Variants in MYO1F observed in about 807,000 individuals in gnomAD.
MYO1F encodes unconventional myosin-If.
A neutral mutation model predicts 146.6 loss-of-function variants in MYO1F; 60 were observed. The ratio of observed to expected loss-of-function variants is 0.41; its 90% CI spans 0.33 to 0.51. MYO1F has a LOEUF of 0.51. MYO1F is among the 20% of genes least tolerant of loss of function. The pLI is 0.25. For missense variants in MYO1F, 1,274 were observed against 1,534.3 expected, an observed-to-expected ratio of 0.83 and a Z score of 2.83; for synonymous variants, 602 against 602.1, an observed-to-expected ratio of 1.00 and a Z score of 0.00.
intron 1 of MYO1F, among the ~76,000 whole-genome samples, chr19:8,569,097 GT>G (rs999798237): frequency 2.6e-5 from 4 of 152,090 alleles, no homozygotes; most frequent in African/African-American, 9.7e-5. Context: ...ATACATACTT[GT>G]TGAATGAATG....
chr19:8,522,784 A>G lies in MYO1F; in HGVS notation c.2900T>C (p.Leu967Pro). The G allele has an allele frequency of 6.2e-7, 1 of 1,602,706 alleles. No individual in the cohort carries two copies. Among genetic ancestry groups the G allele is most frequent in the Non-Finnish European group, 8.5e-7 (1 of 1,176,312 alleles). ...GVPPSARGGP[L>P]PLEIMSGGGT... Reference sequence around the variant, plus strand: ...CCCTCCAGACATGATCTCCAGGGGCAGGGGGCCCCCTCTGGCAGAGGGGGG... The same window carrying G: ...CCCTCCAGACATGATCTCCAGGGGCGGGGGGCCCCCTCTGGCAGAGGGGGG... Residue 967 changes from leucine (L) to proline (P), a missense_variant, in exon 26 of 28, where the codon CTG (leucine) becomes CCG (proline). Physicochemically the swap from Leu to Pro is moderately conservative, Grantham distance 98. Around this residue, in one of 2 missense-constraint regions of MYO1F, gnomAD observed 374 missense variants for 379.2 expected, o/e 0.99. Coordinates refer to ENST00000644032, the MANE Select transcript of MYO1F (RefSeq NM_012335.4).
chr19:8,522,875 G>T, intron 25 of MYO1F, 46 bp from the exon 26 acceptor site: 1 of 1,496,636 alleles, frequency 6.7e-7, no homozygotes. Flanking sequence ...GTGATGCTAG[G>T]AGGATTTGAG....
chr19:8,528,104 C>T (rs543467942), intron 21 of MYO1F, among the ~76,000 whole-genome samples: 64 of 152,234 alleles, frequency 4.2e-4, no homozygotes, highest in African/African-American at 1.5e-3. Flanking sequence ...CACCTGTAGT[C>T]CCAGCTACTC....
chr19:8,541,768 C>T, intron 15 of MYO1F, 138 bp downstream of exon 15: 2 of 818,590 alleles, frequency 2.4e-6, no homozygotes, highest in Non-Finnish European at 4.1e-6. Context: ...TCCATAGAAA[C>T]ACCATCCTGG....
intron 12 of MYO1F, among the ~76,000 whole-genome samples, chr19:8,546,588 A>C (rs904138861): frequency 6.6e-6 from 1 of 151,912 alleles, no homozygotes; most frequent in Non-Finnish European, 1.5e-5. Context: ...TTGAACCCCC[A>C]GGCTCAAGCG....
At chr19:8,542,774 T>A (rs2145876895) in intron 14 of MYO1F, among the ~76,000 whole-genome samples, 1 of 151,448 alleles carries the variant, frequency 6.6e-6, no homozygotes, top group South Asian at 2.1e-4. Flanking sequence ...CTGATTTTTT[T>A]TTTTATTTTT....
chr19:8,529,508 G>A (rs1484269540), intron 21 of MYO1F, among the ~76,000 whole-genome samples: 2 of 152,116 alleles, frequency 1.3e-5, no homozygotes, highest in African/African-American at 4.8e-5. Flanking sequence ...TATCCCTGTA[G>A]AGAGCATGTA....
chr19:8,575,055 C>T (rs2042212895), intron 1 of MYO1F, among the ~76,000 whole-genome samples: 1 of 151,360 alleles, frequency 6.6e-6, no homozygotes, highest in East Asian at 1.9e-4. Context: ...TGCACCCTGC[C>T]AACGGCATTA....
In MYO1F at chr19:8,550,302, T is replaced by C; in HGVS notation, c.959A>G (p.Lys320Arg). The C allele has an allele frequency of 6.2e-7, 1 of 1,614,014 alleles. No homozygotes were observed. Among genetic ancestry groups the C allele is most frequent in the Non-Finnish European group, 8.5e-7 (1 of 1,179,982 alleles). ...GCTGTCCATCTTGCGGCTGGTCAGC[T>C]TCTCCTGCAGTCGCCCGCTGTCAAT... ...LGIDSGRLQEKLTSRKMDSRW... is the reference protein window; with the variant it reads ...LGIDSGRLQERLTSRKMDSRW... Residue 320 changes from lysine to arginine, a missense_variant, in exon 10 of 28, where the codon AAG becomes AGG. Physicochemically the swap from Lys to Arg is conservative, Grantham distance 26. Around this residue, in one of 2 missense-constraint regions of MYO1F, gnomAD observed 900 missense variants for 1,155.1 expected, o/e 0.78. Transcript: ENST00000644032.
At chr19:8,522,955 T>C (rs554053404) in intron 25 of MYO1F, 126 bp from the exon 26 acceptor site, 242 of 818,524 alleles carry the variant, frequency 3.0e-4, no homozygotes, top group Non-Finnish European at 4.5e-4. Context: ...GTGGTAAGGA[T>C]TGGGCCAGAC....
Position 8,553,437 on chromosome 19 carries a change from A to G in MYO1F, c.327T>C (p.Ser109=). The change falls in exon 5 of 28, where the codon AGT becomes AGC. Residue 109 remains serine (S), a splice_region_variant and synonymous_variant. Coordinates refer to ENST00000644032, the MANE Select transcript of MYO1F (RefSeq NM_012335.4). ...IDCENQCVII[S]GESGAGKTVA... ...CTGTCTTCCCAGCTCCACTCTCTCC[A>G]CTGGGGATGAATGGAGGAATAAATG... The G allele has an allele frequency of 6.2e-7, 1 of 1,613,052 alleles. No homozygotes were observed. Among genetic ancestry groups the G allele is most frequent in the Non-Finnish European group, 8.5e-7 (1 of 1,179,054 alleles).
chr19:8,558,471 G>A (rs1195644769), intron 1 of MYO1F, among the ~76,000 whole-genome samples: 1 of 152,026 alleles, frequency 6.6e-6, no homozygotes, highest in Non-Finnish European at 1.5e-5. Context: ...TGACCCAGAC[G>A]ACACTTTCTT....
At chr19:8,526,738 G>A (rs1300210709) in intron 23 of MYO1F, 51 bp downstream of exon 23, 1 of 1,551,578 alleles carries the variant, frequency 6.4e-7, no homozygotes, top group Non-Finnish European at 8.7e-7. Flanking sequence ...GGGAGAGGGT[G>A]CGCCGCGCCG....
chr19:8,524,968 C>A (rs1441511403), intron 25 of MYO1F, among the ~76,000 whole-genome samples: 1 of 152,022 alleles, frequency 6.6e-6, no homozygotes, highest in African/African-American at 2.4e-5. Flanking sequence ...GAGGCCGAGA[C>A]GGGCGGGTCA....
intron 2 of MYO1F, 144 bp downstream of exon 2, chr19:8,555,515 G>A: frequency 2.6e-6 from 3 of 1,132,134 alleles, no homozygotes; most frequent in Non-Finnish European, 3.9e-6. Context: ...CCAGAGCCCT[G>A]CTGTCACTCT....
chr19:8,556,898 A>AT (rs1294431933), intron 1 of MYO1F, among the ~76,000 whole-genome samples: 3 of 124,256 alleles, frequency 2.4e-5, no homozygotes, highest in African/African-American at 5.9e-5. Context: ...AAAAAAAAAA[A>AT]AAAAAAAAAA....
chr19:8,563,016 G>GAGTC lies in MYO1F; in HGVS notation c.4-7224_4-7221dup, dbSNP rs201259088. Among the ~76,000 whole-genome samples, 1,145 of 151,824 alleles carry GAGTC rather than the reference G, an allele frequency of 7.5e-3. 20 individuals carry two copies. The highest frequency in any genetic ancestry group is 0.026 in the African/African-American group (1,080 of 41,384). On this transcript the variant is annotated intron_variant, in intron 1 of 27. Coordinates refer to ENST00000644032, the MANE Select transcript of MYO1F (RefSeq NM_012335.4). The stretch of plus-strand genomic sequence containing the variant: ...TCTTTCCTTTTTTTGTTTTGATACC[G>GAGTC]AGTCTCACTCTGTCGCCCAGGCTGG...
intron 1 of MYO1F, among the ~76,000 whole-genome samples, chr19:8,575,938 C>T (rs1555733721): frequency 2.6e-5 from 4 of 152,188 alleles, no homozygotes. Context: ...AATTCCCACC[C>T]CAACAGTCTC....
At position 8,530,418 on chromosome 19, in the gene MYO1F, CT is replaced by C; in HGVS notation, c.2158+40del. The C allele has an allele frequency of 6.2e-7, 1 of 1,613,804 alleles. No homozygotes were observed. Among genetic ancestry groups the C allele is most frequent in the Non-Finnish European group, 8.5e-7 (1 of 1,179,990 alleles). ...GCTCCTGATACAGCTCCTCCAGGTCCTTGTGCCCCCACCCCGCGCCGTTTAC... is the reference window on the plus strand; with the variant it reads ...GCTCCTGATACAGCTCCTCCAGGTCCTGTGCCCCCACCCCGCGCCGTTTAC... On this transcript the variant is annotated intron_variant, in intron 20 of 27. Coordinates refer to ENST00000644032, the MANE Select transcript of MYO1F (RefSeq NM_012335.4). The surrounding 1 kb of genome is among the most constrained non-coding windows in gnomAD (Gnocchi z 5.8).
Sources: gnomAD v4.1 joint callset for allele counts (sites outside exome capture counted in the v4.1 genomes callset) on GRCh38, gnomAD v4.1.1 for gene constraint, gnomAD v4.1.1 regional missense constraint, Gnocchi (gnomAD v3.1) non-coding constraint, MANE v1.5 for transcripts, NCBI Gene and HGNC (gene_info 2026-07-23, HGNC 2026-07-21) for gene names.